The following KRT84 variants were observed in gnomAD, a reference collection of about 807,000 sequenced individuals.
KRT84 encodes keratin 84.
In KRT84, 38 loss-of-function variants were observed where a neutral mutation model predicts 49.0. That is an observed-to-expected ratio of 0.78 (90% CI 0.60 to 1.02). The LOEUF (loss-of-function observed/expected upper bound fraction) is 1.02. Ranked by LOEUF, KRT84 falls within the 50% of genes least tolerant of loss-of-function variation. The probability of loss-of-function intolerance (pLI) is 0.00; values close to 1 mark genes in which losing one functional copy is unlikely to be tolerated. For synonymous variants in KRT84, 334 were observed against 312.8 expected, an observed-to-expected ratio of 1.07 and a Z score of -0.72; for missense variants, 860 against 788.6, an observed-to-expected ratio of 1.09 and a Z score of -1.08.
chr12:52,378,142 G>T lies in KRT84; in HGVS notation c.1695C>A (p.Ser565Arg), dbSNP rs191551919. The change falls in exon 9 of 9, where the codon AGC becomes AGA. Residue 565 changes from serine to arginine, a missense_variant. Transcript: ENST00000257951. Reference protein sequence around the residue: ...SMLISEACVPSVPCPLPTQGG... With the variant: ...SMLISEACVPRVPCPLPTQGG... ...CCTGGGTGGGCAGGGGGCAGGGGAC[G>T]CTGGGGACACAGGCCTCGCTGATGA... The T allele has an allele frequency of 3.2e-6, 5 of 1,567,796 alleles. No homozygotes were observed. The highest frequency in any genetic ancestry group is 1.4e-5 in the African/African-American group (1 of 73,320).
Position 52,384,676 on chromosome 12 carries a change from T to C in KRT84, c.546+364A>G, listed in dbSNP as rs1050848826. ...CAAAGAATAAAACCTCTTAAGCATA[T>C]ACCAGCCAACACCTGGCTAAAGTCC... On this transcript the variant is annotated intron_variant, in intron 1 of 8. Transcript: ENST00000257951. Among the ~76,000 whole-genome samples, 4 of 152,198 alleles carry C rather than the reference T, an allele frequency of 2.6e-5. No individual in the cohort carries two copies. In the South Asian group the frequency reaches 8.3e-4, roughly 32 times the overall value.
rs1467475717 is a variant in KRT84 at position 52,377,883 on chromosome 12, G to A, written c.*151C>T. The A allele has an allele frequency of 1.0e-5, 5 of 497,324 alleles. No individual in the cohort carries two copies. In the East Asian group the frequency reaches 1.1e-4, roughly 10 times the overall value. The allele number at this position is 497,324 out of a possible 1,614,324, so 30.8% of individuals were successfully genotyped here. A position where few individuals can be genotyped will look rare whatever the true frequency, so the allele number is the denominator to read the frequency against. ...AATCCTCCAAGAGGACATGGGGCCA[G>A]GCAGAATAATCGGGGGAGTGCTAAG... On this transcript the variant is annotated 3_prime_UTR_variant, in exon 9 of 9. Coordinates refer to ENST00000257951, the MANE Select transcript of KRT84 (RefSeq NM_033045.4).
intron 6 of KRT84, 89 bp from the exon 7 acceptor site, chr12:52,380,672 A>G: frequency 9.6e-6 from 13 of 1,350,770 alleles, no homozygotes; most frequent in Non-Finnish European, 1.2e-5. Context: ...TAGTGGGAAC[A>G]TAGCCTGGGG....
rs752244550 is a variant in KRT84, at chr12:52,383,732, A to G, written c.613T>C (p.Cys205Arg). Residue 205 changes from cysteine to arginine, a missense_variant, in exon 2 of 9, where the codon TGT (cysteine) becomes CGT (arginine). Coordinates refer to ENST00000257951, the MANE Select transcript of KRT84 (RefSeq NM_033045.4). ...TKWSFLQEQKCIRSNLEPLFE... is the reference protein window; with the variant it reads ...TKWSFLQEQKRIRSNLEPLFE... ...AGTGGCTCCAGATTGCTCCTGATACATTTCTGCTCTTGGAGGAAGCTCCAC... is the reference window on the plus strand; with the variant it reads ...AGTGGCTCCAGATTGCTCCTGATACGTTTCTGCTCTTGGAGGAAGCTCCAC... 1.9e-6 allele frequency: 3 copies of G among 1,613,802 alleles called. No individual in the cohort carries two copies. The East Asian group carries it at 6.7e-5, about 36-fold the overall frequency.
intron 6 of KRT84, 76 bp downstream of exon 6, chr12:52,381,004 T>C (rs1939471673): frequency 6.4e-7 from 1 of 1,570,578 alleles, no homozygotes; most frequent in South Asian, 1.2e-5. Context: ...CCTCACCTCA[T>C]TAGACTTGGG....
At chr12:52,379,805 G>C (rs1279057582) in intron 8 of KRT84, 71 bp downstream of exon 8, 1 of 1,326,954 alleles carries the variant, frequency 7.5e-7, no homozygotes, top group Non-Finnish European at 1.1e-6. Context: ...CCTGACCCCA[G>C]TGTGAGCCTG....
intron 1 of KRT84, among the ~76,000 whole-genome samples, chr12:52,384,399 A>G (rs1939538914): frequency 6.6e-6 from 1 of 152,134 alleles, no homozygotes; most frequent in Non-Finnish European, 1.5e-5. Flanking sequence ...GGTGTGTGGG[A>G]TGTCAGTTCT....
rs749936071 is a variant in KRT84 at position 52,381,505 on chromosome 12, C to A, written c.933G>T (p.Ser311=). The change falls in exon 5 of 9, where the codon TCG becomes TCT. Residue 311 remains serine, a synonymous_variant. Transcript: ENST00000257951. ...CAATGACCGACGTCTCTGAGATGTG[C>A]GACTGCAGCAACTGGATTTCCTGTG... ...LYMEEIQLLQ[S]HISETSVIVK... is the part of the protein sequence containing the mutation. 1 of 1,613,998 alleles carries A rather than the reference C, an allele frequency of 6.2e-7. No individual in the cohort carries two copies.
chr12:52,379,925 C>G lies in KRT84; in HGVS notation c.1425-18G>C, dbSNP rs1233026091. 1 of 1,606,832 alleles carries G rather than the reference C, an allele frequency of 6.2e-7. No homozygotes were observed. On this transcript the variant is annotated intron_variant, in intron 7 of 8. Coordinates refer to ENST00000257951, the MANE Select transcript of KRT84 (RefSeq NM_033045.4). ...CACAGAGCCTGGAAAGGGGAAGAAA[C>G]AAATCATTTCACATGCACTATTGTT...
Position 52,381,232 on chromosome 12 carries a change from G to A in KRT84, c.1078-27C>T, listed in dbSNP as rs189102909. On this transcript the variant is annotated intron_variant, in intron 5 of 8. Transcript: ENST00000257951. ...TGCGGAGAGAGGAGGGTATTTTGAGGGTTCGGAGGTCAGGTCAGGATCACA... is the reference window on the plus strand; with the variant it reads ...TGCGGAGAGAGGAGGGTATTTTGAGAGTTCGGAGGTCAGGTCAGGATCACA... 194 of 1,613,404 alleles carry A rather than the reference G, an allele frequency of 1.2e-4. 2 individuals are homozygous for A. The East Asian group carries it at 3.4e-3, about 28-fold the overall frequency.
Position 52,385,402 on chromosome 12 carries a change from A to G in KRT84, c.184T>C (p.Ser62Pro), listed in dbSNP as rs1477024375. ...SRSVITFGSYSPRIAAVGSRP... is the reference protein window; with the variant it reads ...SRSVITFGSYPPRIAAVGSRP... ...GAGCCTACAGCTGCTATCCGGGGTG[A>G]GTACGATCCAAAGGTGATGACACTC... The change falls in exon 1 of 9, where the codon TCA becomes CCA. Residue 62 changes from serine to proline, a missense_variant. By Grantham distance (74) the Ser-to-Pro change is moderately conservative. Coordinates refer to ENST00000257951, the MANE Select transcript of KRT84 (RefSeq NM_033045.4). 1.2e-6 allele frequency: 2 copies of G among 1,614,220 alleles called. No individual in the cohort carries two copies. Among genetic ancestry groups the G allele is most frequent in the Non-Finnish European group, 1.7e-6 (2 of 1,180,024 alleles).
At chr12:52,383,915 T>C (rs1939530926) in intron 1 of KRT84, 117 bp from the exon 2 acceptor site, 1 of 799,458 alleles carries the variant, frequency 1.3e-6, no homozygotes, top group Non-Finnish European at 2.0e-6. Flanking sequence ...TTCTCTCCTC[T>C]GCTGACTTTC....
rs746546293 is a variant in KRT84 at position 52,385,471 on chromosome 12, A to C, written c.115T>G (p.Trp39Gly). The change falls in exon 1 of 9, where the codon TGG (tryptophan) becomes GGG (glycine). Residue 39 changes from tryptophan to glycine, a missense_variant. Transcript: ENST00000257951. Reference protein sequence around the residue: ...NRFRANSVSCWSGPGFRGLGS... With the variant: ...NRFRANSVSCGSGPGFRGLGS... ...AGGCCCCGGAATCCAGGCCCACTCCAACAGGAGACAGAGTTGGCCCGGAAG... is the reference window on the plus strand; with the variant it reads ...AGGCCCCGGAATCCAGGCCCACTCCCACAGGAGACAGAGTTGGCCCGGAAG... 1 of 1,614,224 alleles carries C rather than the reference A, an allele frequency of 6.2e-7. No individual in the cohort carries two copies. Among genetic ancestry groups the C allele is most frequent in the Non-Finnish European group, 8.5e-7 (1 of 1,180,050 alleles).
Position 52,385,575 on chromosome 12 carries a change from C to T in KRT84, c.11G>A (p.Arg4His), listed in dbSNP as rs749243942. The T allele has an allele frequency of 2.4e-5, 38 of 1,612,492 alleles. No individual in the cohort carries two copies. The highest frequency in any genetic ancestry group is 8.0e-5 in the African/African-American group (6 of 74,892). MSC[R>H]SYRVSSGHRV... ...GTGACCAGAGCTGACTCGGTAGGAG[C>T]GGCAAGACATGATGGCTTCCTGGTT... Residue 4 changes from arginine (R) to histidine (H), a missense_variant, in exon 1 of 9, where the codon CGC becomes CAC. Transcript: ENST00000257951.
Position 52,378,218 on chromosome 12 carries a change from G to A in KRT84, c.1619C>T (p.Ala540Val). Residue 540 changes from alanine (A) to valine (V), a missense_variant, in exon 9 of 9, where the codon GCC becomes GTC. Physicochemically the swap from Ala to Val is moderately conservative, Grantham distance 64 (BLOSUM62 0). Transcript: ENST00000257951. ...CGPSLGGARVAPATGDLLSTG... is the reference protein window; with the variant it reads ...CGPSLGGARVVPATGDLLSTG... ...GCTCAGCAGGTCCCCAGTGGCCGGG[G>A]CGACCCGGGCTCCACCCAGGCTGGG... The A allele has an allele frequency of 1.3e-6, 2 of 1,569,858 alleles. No homozygotes were observed. The highest frequency in any genetic ancestry group is 1.2e-5 in the South Asian group (1 of 85,080).
At position 52,377,833 on chromosome 12, in the gene KRT84, T is replaced by C; in HGVS notation, c.*201A>G. Reference sequence around the variant, plus strand: ...GAGAAGCCAGCTTAGCTGGAACTGCTAATGGAGCATCTACATGGCAGAAAA... The same window carrying C: ...GAGAAGCCAGCTTAGCTGGAACTGCCAATGGAGCATCTACATGGCAGAAAA... On this transcript the variant is annotated 3_prime_UTR_variant, in exon 9 of 9. Transcript: ENST00000257951. The C allele has an allele frequency of 2.4e-6, 1 of 413,376 alleles. No homozygotes were observed. Among genetic ancestry groups the C allele is most frequent in the Non-Finnish European group, 4.2e-6 (1 of 235,930 alleles). The allele number at this position is 413,376 out of a possible 1,614,324, so 25.6% of individuals were successfully genotyped here.
In KRT84 at chr12:52,385,091, C is replaced by G. The variant is rs1939550123; in HGVS notation, c.495G>C (p.Glu165Asp). 3 of 1,605,832 alleles carry G rather than the reference C, an allele frequency of 1.9e-6. No individual in the cohort carries two copies. In the East Asian group the frequency reaches 6.7e-5, roughly 36 times the overall value. The change falls in exon 1 of 9, where the codon GAG (glutamate) becomes GAC (aspartate). Residue 165 changes from glutamate to aspartate, a missense_variant. Glu to Asp is a conservative substitution (Grantham distance 45). Coordinates refer to ENST00000257951, the MANE Select transcript of KRT84 (RefSeq NM_033045.4). The stretch of plus-strand genomic sequence containing the variant: ...TGTTGAGGGTCTTGATTTGCTCCTT[C>G]TCATCCTTCTTCACCCTCTGGGCAT... ...DPNAQRVKKD[E>D]KEQIKTLNNK...
upstream of KRT84, among the ~76,000 whole-genome samples, chr12:52,386,427 G>T (rs958013611): frequency 1.7e-3 from 245 of 147,518 alleles, no homozygotes; most frequent in African/African-American, 6.0e-3. Context: ...TGATCTAGTT[G>T]CCCAGGCTGG....
At chr12:52,379,928 A>G (rs1939450197) in intron 7 of KRT84, 21 bp from the exon 8 acceptor site, 2 of 1,603,048 alleles carry the variant, frequency 1.2e-6, no homozygotes, top group East Asian at 2.2e-5. Flanking sequence ...GAAGAAACAA[A>G]TCATTTCACA....
Sources: gnomAD v4.1 joint callset for allele counts (sites outside exome capture counted in the v4.1 genomes callset) on GRCh38, gnomAD v4.1.1 for gene constraint, MANE v1.5 for transcripts, NCBI Gene and HGNC (gene_info 2026-07-23, HGNC 2026-07-21) for gene names.